SYNPO2: variants seen among roughly 807,000 people sequenced by gnomAD.
SYNPO2 encodes the protein synaptopodin 2.
SYNPO2 carries 56 observed loss-of-function variants against 85.0 expected under a neutral mutation model. That is an observed-to-expected ratio of 0.66 (90% CI 0.53 to 0.82). The LOEUF (loss-of-function observed/expected upper bound fraction) is 0.82, where lower values mean the gene tolerates loss of function less well. Ranked by LOEUF, SYNPO2 falls within the 40% of genes least tolerant of loss-of-function variation. SYNPO2 has a pLI of 0.00. For missense variants in SYNPO2, 1,575 were observed against 1,534.2 expected (o/e 1.03, Z -0.44); for synonymous variants, 602 against 591.1 (o/e 1.02, Z -0.27).
At chr4:119,055,145 A>G (rs1739171424) in intron 4 of SYNPO2, among the ~76,000 whole-genome samples, 1 of 146,838 alleles carries the variant, frequency 6.8e-6, no homozygotes, top group Admixed American at 6.6e-5. Flanking sequence ...GTTTCTTATT[A>G]TTTATTTATT....
chr4:118,916,009 T>C (rs1733304983), intron 1 of SYNPO2, among the ~76,000 whole-genome samples: 1 of 152,148 alleles, frequency 6.6e-6, no homozygotes, highest in South Asian at 2.1e-4. Flanking sequence ...CATTAAATTG[T>C]TTGTGTTATT....
At chr4:118,879,681 A>G (rs1289962790) in intron 1 of SYNPO2, among the ~76,000 whole-genome samples, 1 of 152,176 alleles carries the variant, frequency 6.6e-6, no homozygotes, top group Admixed American at 6.5e-5. Context: ...AAGAGACTAA[A>G]ACACGAGGGG....
rs1486336402 is a variant in SYNPO2 at position 119,027,187 on chromosome 4, A to G, written c.818A>G (p.Glu273Gly). ...GGCAGAGAGTTGAGAGTGATCCAGG[A>G]AAGTGAAGCAGGAGATGCGGGACTG... ...SSGRELRVIQESEAGDAGLPR... is the reference protein window; with the variant it reads ...SSGRELRVIQGSEAGDAGLPR... Residue 273 changes from glutamate to glycine, a missense_variant, in exon 3 of 5, where the codon GAA (glutamate) becomes GGA (glycine). Glu to Gly is a moderately conservative substitution (Grantham distance 98). This residue lies in a region of SYNPO2 where 1,508 missense variants were observed against 1,446.8 expected (regional missense o/e 1.04). Coordinates refer to ENST00000307142, the MANE Select transcript of SYNPO2 (RefSeq NM_133477.3). The G allele has an allele frequency of 1.9e-6, 3 of 1,614,046 alleles. No individual in the cohort carries two copies. The highest frequency in any genetic ancestry group is 2.5e-6 in the Non-Finnish European group (3 of 1,180,038).
chr4:118,900,506 A>G (rs978691291), intron 1 of SYNPO2, among the ~76,000 whole-genome samples: 1 of 152,044 alleles, frequency 6.6e-6, no homozygotes, highest in Admixed American at 6.6e-5. Context: ...CATTTTAAAG[A>G]TTCCAGTATG....
chr4:118,940,606 A>G (rs1296262550), intron 1 of SYNPO2, among the ~76,000 whole-genome samples: 1 of 152,140 alleles, frequency 6.6e-6, no homozygotes, highest in Non-Finnish European at 1.5e-5. Flanking sequence ...GGGAGACATT[A>G]GTATGATGAG....
In SYNPO2 at chr4:119,043,057, G is replaced by GGTT. The variant is rs375110918; in HGVS notation, c.3252+11034_3252+11036dup. The GGTT allele has an allele frequency of 2.1e-3, 322 of 152,746 alleles. 2 individuals carry two copies. Among genetic ancestry groups the GGTT allele is most frequent in the African/African-American group, 7.2e-3 (299 of 41,402 alleles). 9.5% of individuals were successfully genotyped at this position (152,746 alleles called of 1,614,324 possible). A position where few individuals can be genotyped will look rare whatever the true frequency, so the allele number is the denominator to read the frequency against. On this transcript the variant is annotated intron_variant, in intron 4 of 4. Coordinates refer to ENST00000307142, the MANE Select transcript of SYNPO2 (RefSeq NM_133477.3). ...TTCATTGTATTTTGTTTGTTTGGTT[G>GGTT]GTTGTTTTTTTTCTTTTGTTTTTGT...
At chr4:118,872,962 G>A (rs2110573468) in intron 1 of SYNPO2, among the ~76,000 whole-genome samples, 1 of 152,200 alleles carries the variant, frequency 6.6e-6, no homozygotes, top group South Asian at 2.1e-4. Context: ...TGAGATAATG[G>A]CCTCCAGTTC....
chr4:119,049,310 C>T (rs1221882414), intron 4 of SYNPO2, among the ~76,000 whole-genome samples: 6 of 152,184 alleles, frequency 3.9e-5, no homozygotes, highest in Non-Finnish European at 8.8e-5. Context: ...TTTTATTCCT[C>T]TTCACTTTTC....
At chr4:118,979,502 G>A (rs1735926267) in intron 1 of SYNPO2, among the ~76,000 whole-genome samples, 1 of 152,044 alleles carries the variant, frequency 6.6e-6, no homozygotes, top group South Asian at 2.1e-4. Context: ...TTATTTTCTA[G>A]TTGTTTACAC....
chr4:118,992,377 G>A (rs1015421628), intron 1 of SYNPO2, among the ~76,000 whole-genome samples: 3 of 152,132 alleles, frequency 2.0e-5, no homozygotes, highest in Non-Finnish European at 4.4e-5. Flanking sequence ...GAAGCAACAT[G>A]ATGTAAGAAA....
rs754364106 is a variant in SYNPO2, at chr4:119,031,852, C to A, written c.3077C>A (p.Ser1026Ter). Reference sequence around the variant, plus strand: ...AATGTGCAGGCTTCGTCAGTGTACTCGGTACCAGCCTATACCTCTCCTCCT... The same window carrying A: ...AATGTGCAGGCTTCGTCAGTGTACTAGGTACCAGCCTATACCTCTCCTCCT... ...PTNVQASSVY[S>*]VPAYTSPPSF... The change falls in exon 4 of 5, where the codon TCG becomes TAG. Residue 1026 changes from serine (S) to a stop codon, truncating the protein, a stop_gained. Transcript: ENST00000307142. LOFTEE classifies it high-confidence loss of function. 1 of 1,614,092 alleles carries A rather than the reference C, an allele frequency of 6.2e-7. No homozygotes were observed. The highest frequency in any genetic ancestry group is 1.3e-5 in the African/African-American group (1 of 74,946).
At chr4:118,977,591 C>T (rs186987727) in intron 1 of SYNPO2, among the ~76,000 whole-genome samples, 11 of 152,316 alleles carry the variant, frequency 7.2e-5, no homozygotes, top group Non-Finnish European at 1.5e-4. Flanking sequence ...TGAGGACTGC[C>T]AGCATGCTGT....
chr4:118,856,054 T>C (rs1201612626), intron 1 of SYNPO2, among the ~76,000 whole-genome samples: 6 of 152,220 alleles, frequency 3.9e-5, no homozygotes, highest in Non-Finnish European at 8.8e-5. Flanking sequence ...GTGGATCTAT[T>C]ATACTTCTCT....
upstream of SYNPO2, among the ~76,000 whole-genome samples, chr4:118,885,254 A>G (rs1442585129): frequency 6.6e-6 from 1 of 152,180 alleles, no homozygotes; most frequent in East Asian, 1.9e-4. Flanking sequence ...GAGCCCTTGA[A>G]GATTTGAACT....
chr4:118,860,242 C>A (rs1225618958), intron 1 of SYNPO2, among the ~76,000 whole-genome samples: 2 of 152,130 alleles, frequency 1.3e-5, no homozygotes. Flanking sequence ...CACAACCCCC[C>A]CGCCACTTCA....
intron 1 of SYNPO2, among the ~76,000 whole-genome samples, chr4:118,933,682 A>G (rs1307850369): frequency 6.6e-6 from 1 of 152,168 alleles, no homozygotes; most frequent in African/African-American, 2.4e-5. Flanking sequence ...AGAATAGTTT[A>G]TGGGTCTTAT....
At chr4:119,022,516 T>TC (rs1161950400) in intron 1 of SYNPO2, among the ~76,000 whole-genome samples, 5 of 105,060 alleles carry the variant, frequency 4.8e-5, no homozygotes, top group Non-Finnish European at 7.1e-5. Context: ...TTGTAGGTTT[T>TC]TTTTTTTTTT....
chr4:118,931,439 A>G (rs1171366360), intron 1 of SYNPO2, among the ~76,000 whole-genome samples: 1 of 152,212 alleles, frequency 6.6e-6, no homozygotes, highest in Non-Finnish European at 1.5e-5. Context: ...TTTACTGAAA[A>G]TTACAAATTG....
intron 1 of SYNPO2, among the ~76,000 whole-genome samples, chr4:118,956,539 A>T (rs1234956324): frequency 2.6e-5 from 4 of 152,236 alleles, no homozygotes; most frequent in African/African-American, 4.8e-5. Context: ...CCTATTGGGT[A>T]AATCAATTAT....
Sources: gnomAD v4.1 joint callset for allele counts (sites outside exome capture counted in the v4.1 genomes callset) on GRCh38, gnomAD v4.1.1 for gene constraint, gnomAD v4.1.1 regional missense constraint, MANE v1.5 for transcripts, NCBI Gene and HGNC (gene_info 2026-07-23, HGNC 2026-07-21) for gene names.